Variants in TENM2 observed in about 807,000 individuals in gnomAD.
The protein encoded by TENM2 is teneurin-2.
In TENM2, 52 loss-of-function variants were observed where a neutral mutation model predicts 245.2. The observed-to-expected ratio is 0.21, with a 90% CI of 0.17 to 0.27. The LOEUF is 0.27. Among genes scored for constraint, TENM2 ranks in the 10% least tolerant of loss-of-function variants. TENM2 has a pLI of 1.00. For synonymous variants in TENM2, 1,363 were observed against 1,438.9 expected, an observed-to-expected ratio of 0.95 and a Z score of 1.19; for missense variants, 3,046 against 3,666.8, an observed-to-expected ratio of 0.83 and a Z score of 4.37.
At chr5:167,876,311 A>T in intron 3 of TENM2, 116 bp downstream of exon 5, 1 of 850,814 alleles carries the variant, frequency 1.2e-6, no homozygotes, top group Non-Finnish European at 1.9e-6. Flanking sequence ...GGGGAGCATC[A>T]GGGTGAAATG....
At chr5:167,851,229 C>T (rs1442053396) in intron 2 of TENM2, among the ~76,000 whole-genome samples, 1 of 151,990 alleles carries the variant, frequency 6.6e-6, no homozygotes, top group Non-Finnish European at 1.5e-5. Context: ...GAGAGAGAGC[C>T]AATTTTATCT....
chr5:167,054,801 T>A, the TENM2 span, among the ~76,000 whole-genome samples: 3 of 152,176 alleles, frequency 2.0e-5, no homozygotes, highest in Non-Finnish European at 1.5e-5. Flanking sequence ...TCTATTCATA[T>A]ATTGAATTGC....
chr5:167,213,611 A>G, the TENM2 span, among the ~76,000 whole-genome samples: 1 of 152,144 alleles, frequency 6.6e-6, no homozygotes, highest in Non-Finnish European at 1.5e-5. Flanking sequence ...GCTCCTTAAA[A>G]TCACTAACAT....
At chr5:167,695,566 T>G (rs1037546040) in intron 2 of TENM2, among the ~76,000 whole-genome samples, 2 of 152,060 alleles carry the variant, frequency 1.3e-5, no homozygotes, top group African/African-American at 4.8e-5. Flanking sequence ...AATTTTACAT[T>G]TTAACAGAGG....
chr5:167,025,704 T>C, the TENM2 span, among the ~76,000 whole-genome samples: 1 of 152,332 alleles, frequency 6.6e-6, no homozygotes, highest in African/African-American at 2.4e-5. Flanking sequence ...CCCAACTCTG[T>C]GCTGTCAGAT....
chr5:168,244,926 C>T lies in TENM2; in HGVS notation c.5817+210C>T, dbSNP rs1213901804. On this transcript the variant is annotated intron_variant, in intron 26 of 28. Coordinates refer to ENST00000518659, the Ensembl canonical transcript of TENM2. The surrounding 1 kb of genome is among the most constrained non-coding windows in gnomAD (Gnocchi z 4.9). ...CTGTGACTACAGGCACATGTCACCA[C>T]GCCCGGCTAATTTTGTATTTTTAGT... Among the ~76,000 whole-genome samples the T allele has an allele frequency of 6.6e-6, 1 of 152,004 alleles. No homozygotes were observed. Among genetic ancestry groups the T allele is most frequent in the East Asian group, 1.9e-4 (1 of 5,170 alleles).
chr5:167,450,689 GCC>G (rs1765523444), intron 2 of TENM2, among the ~76,000 whole-genome samples: 1 of 152,056 alleles, frequency 6.6e-6, no homozygotes, highest in Non-Finnish European at 1.5e-5. Context: ...TACTTCTAGG[GCC>G]CCAAATGATC....
At chr5:167,485,825 A>C (rs961126765) in intron 2 of TENM2, among the ~76,000 whole-genome samples, 3 of 152,178 alleles carry the variant, frequency 2.0e-5, no homozygotes, top group Non-Finnish European at 2.9e-5. Context: ...CTTCTGAATC[A>C]AGATGCTGTT....
chr5:167,651,294 A>G (rs369847081), intron 2 of TENM2, among the ~76,000 whole-genome samples: 3 of 152,108 alleles, frequency 2.0e-5, no homozygotes, highest in African/African-American at 7.2e-5. Flanking sequence ...TCAACCTCAG[A>G]AAAAATATTT....
intron 2 of TENM2, among the ~76,000 whole-genome samples, chr5:167,872,346 GAAAGAA>G (rs1772936874): frequency 1.3e-5 from 1 of 77,776 alleles, no homozygotes; most frequent in South Asian, 3.8e-4. Flanking sequence ...AAGAAAGAAA[GAAAGAA>G]AGGAAAGAGA....
At chr5:168,179,128 CTG>C (rs1759625445) in intron 13 of TENM2, among the ~76,000 whole-genome samples, 1 of 115,538 alleles carries the variant, frequency 8.7e-6, no homozygotes, top group African/African-American at 3.4e-5. Flanking sequence ...GAGTGAGACT[CTG>C]CCTGAAAAAA....
At chr5:167,765,548 C>T (rs1328838257) in intron 2 of TENM2, among the ~76,000 whole-genome samples, 1 of 152,122 alleles carries the variant, frequency 6.6e-6, no homozygotes, top group Non-Finnish European at 1.5e-5. Flanking sequence ...AATATTTTGG[C>T]CTAATGGGCA....
At chr5:168,127,690 A>G (rs1248832525) in intron 12 of TENM2, among the ~76,000 whole-genome samples, 1 of 152,202 alleles carries the variant, frequency 6.6e-6, no homozygotes, top group East Asian at 1.9e-4. Context: ...GCTGGGAGCC[A>G]ATGCTGTTTG....
At chr5:168,090,218 C>CCACACACACACA (rs3083413) in intron 7 of TENM2, among the ~76,000 whole-genome samples, 61 of 136,792 alleles carry the variant, frequency 4.5e-4, no homozygotes, top group African/African-American at 1.5e-3. Context: ...ACTCCCCCCA[C>CCACACACACACA]CACACACACA....
chr5:168,201,377 A>G (rs980459526), intron 17 of TENM2, among the ~76,000 whole-genome samples: 11 of 151,954 alleles, frequency 7.2e-5, no homozygotes, highest in Non-Finnish European at 1.3e-4. Context: ...TGTAGCTAAT[A>G]CCAAAATGAC....
At position 167,532,812 on chromosome 5, in the gene TENM2, A is replaced by ATG. The variant is rs1018346866; in HGVS notation, c.502+157353_502+157354dup. ...CATATACACATATATATTTGTGTGT[A>ATG]TGTGTGTGTGTGTGTATATATATAT... On this transcript the variant is annotated intron_variant, in intron 2 of 28. Transcript: ENST00000518659. 5.1e-3 allele frequency among the ~76,000 whole-genome samples: 583 copies of ATG among 114,348 alleles called. 1 individual carries two copies. The highest frequency in any genetic ancestry group is 0.011 in the Middle Eastern group (2 of 182). 75.0% of individuals were successfully genotyped at this position (114,348 alleles called of 152,430 possible).
intron 3 of TENM2, among the ~76,000 whole-genome samples, chr5:167,914,745 G>C (rs1380733049): frequency 6.6e-6 from 1 of 152,110 alleles, no homozygotes; most frequent in African/African-American, 2.4e-5. Flanking sequence ...TCTCTCCCTA[G>C]CTTCTGGTGT....
intron 4 of TENM2, among the ~76,000 whole-genome samples, chr5:167,988,347 C>G (rs996034859): frequency 6.6e-6 from 1 of 152,110 alleles, no homozygotes; most frequent in Admixed American, 6.5e-5. Flanking sequence ...CAGGATGCGG[C>G]GTGAACAAAA....
At chr5:166,997,020 TC>T in the TENM2 span, among the ~76,000 whole-genome samples, 1 of 152,120 alleles carries the variant, frequency 6.6e-6, no homozygotes, top group Non-Finnish European at 1.5e-5. Flanking sequence ...CACTATTGAT[TC>T]CCCCTTACCT....
Sources: gnomAD v4.1 joint callset for allele counts (sites outside exome capture counted in the v4.1 genomes callset) on GRCh38, gnomAD v4.1.1 for gene constraint, Gnocchi (gnomAD v3.1) non-coding constraint, MANE v1.5 for transcripts, NCBI Gene and HGNC (gene_info 2026-07-23, HGNC 2026-07-21) for gene names.